Variants in ATP6V0A1 observed in about 807,000 individuals in gnomAD.
ATP6V0A1 encodes the protein ATPase H+ transporting V0 subunit a1, also known as V-type proton ATPase 116 kDa subunit a 1.
In ATP6V0A1, 43 loss-of-function variants were observed where a neutral mutation model predicts 105.4. That is an observed-to-expected ratio of 0.41 (90% CI 0.32 to 0.53). The LOEUF (loss-of-function observed/expected upper bound fraction) is 0.53, where lower values mean the gene tolerates loss of function less well. Among genes scored for constraint, ATP6V0A1 ranks in the 20% least tolerant of loss-of-function variants. The probability of loss-of-function intolerance (pLI) is 0.30; values close to 1 mark genes in which losing one functional copy is unlikely to be tolerated. For synonymous variants in ATP6V0A1, 362 were observed against 372.8 expected, an observed-to-expected ratio of 0.97 and a Z score of 0.33; for missense variants, 676 against 1,051.1, an observed-to-expected ratio of 0.64 and a Z score of 4.93.
Position 42,487,179 on chromosome 17 carries a change from C to T in ATP6V0A1, c.835C>T (p.Arg279Cys). The T allele has an allele frequency of 2.5e-6, 4 of 1,614,134 alleles. No homozygotes were observed. Among genetic ancestry groups the T allele is most frequent in the Non-Finnish European group, 2.5e-6 (3 of 1,180,038 alleles). ...QMVLNQTEDH[R>C]QRVLQAAAKN... ...GGTTCTGAATCAAACGGAGGATCAC[C>T]GCCAGAGGGTTCTGCAGGCAGCTGC... The change falls in exon 10 of 22, where the codon CGC (arginine) becomes TGC (cysteine). Residue 279 changes from arginine to cysteine, a missense_variant. Arg to Cys is a radical substitution (Grantham distance 180). Transcript: ENST00000343619.
chr17:42,514,111 T>C, intron 20 of ATP6V0A1, 133 bp downstream of exon 20: 2 of 1,284,874 alleles, frequency 1.6e-6, no homozygotes, highest in Non-Finnish European at 2.2e-6. Flanking sequence ...CCAAGGAGAA[T>C]GAGTACAGAC....
chr17:42,506,873 A>G (rs2092061056), intron 17 of ATP6V0A1, among the ~76,000 whole-genome samples: 1 of 152,182 alleles, frequency 6.6e-6, no homozygotes, highest in Non-Finnish European at 1.5e-5. Context: ...GAATTGTTCT[A>G]ACATTCCAGA....
intron 4 of ATP6V0A1, 107 bp from the exon 5 acceptor site, chr17:42,469,983 C>T: frequency 8.6e-7 from 1 of 1,164,174 alleles, no homozygotes; most frequent in Non-Finnish European, 1.2e-6. Flanking sequence ...AGTCCAAGTT[C>T]TCTTTGAACT....
rs199733869 is a variant in ATP6V0A1 at position 42,500,074 on chromosome 17, CA to C, written c.1680-613del. ...AACACGGCAAAAGACCCCATCTCTA[CA>C]AAAAAAAAAAAAAAAAAAAGTTATG... On this transcript the variant is annotated intron_variant, in intron 15 of 21. Transcript: ENST00000343619. 9.3e-3 allele frequency among the ~76,000 whole-genome samples: 569 copies of C among 61,072 alleles called. 5 individuals carry two copies. The highest frequency in any genetic ancestry group is 0.021 in the African/African-American group (396 of 18,716). 40.1% of individuals were successfully genotyped at this position (61,072 alleles called of 152,430 possible).
chr17:42,462,714 C>G (rs985998974), intron 2 of ATP6V0A1, among the ~76,000 whole-genome samples: 3 of 152,196 alleles, frequency 2.0e-5, no homozygotes, highest in African/African-American at 7.2e-5. Flanking sequence ...GCCACCATAC[C>G]TGGCCAACAG....
chr17:42,493,478 A>G (rs2090861591), intron 11 of ATP6V0A1, among the ~76,000 whole-genome samples: 1 of 152,170 alleles, frequency 6.6e-6, no homozygotes, highest in Non-Finnish European at 1.5e-5. Context: ...TTACACCTTC[A>G]TTTCCACTGT....
At chr17:42,505,950 A>C (rs1443078103) in intron 17 of ATP6V0A1, among the ~76,000 whole-genome samples, 1 of 151,342 alleles carries the variant, frequency 6.6e-6, no homozygotes, top group Admixed American at 6.6e-5. Flanking sequence ...TCTACGCCCA[A>C]CTAATTTTTG....
intron 5 of ATP6V0A1, among the ~76,000 whole-genome samples, chr17:42,471,731 C>CA (rs1039826573): frequency 2.6e-4 from 38 of 146,966 alleles, no homozygotes; most frequent in Non-Finnish European, 4.5e-4. Context: ...AAGACTGTCT[C>CA]AAAAAAAAAA....
intron 11 of ATP6V0A1, among the ~76,000 whole-genome samples, chr17:42,493,281 C>G (rs1009090854): frequency 1.3e-5 from 2 of 152,112 alleles, no homozygotes; most frequent in Non-Finnish European, 2.9e-5. Context: ...TGTGAGTATT[C>G]ATTTTCAGTT....
intron 11 of ATP6V0A1, among the ~76,000 whole-genome samples, chr17:42,490,967 C>A (rs983604661): frequency 6.6e-6 from 1 of 152,192 alleles, no homozygotes; most frequent in African/African-American, 2.4e-5. Flanking sequence ...TCAAGTGATT[C>A]TCCCGCCTGA....
chr17:42,508,649 T>C (rs2092173205), intron 19 of ATP6V0A1, 60 bp downstream of exon 19: 2 of 1,607,602 alleles, frequency 1.2e-6, no homozygotes, highest in Non-Finnish European at 8.5e-7. Flanking sequence ...CCCATCCTTG[T>C]GATCACTCTG....
intron 21 of ATP6V0A1, among the ~76,000 whole-genome samples, chr17:42,516,814 C>T (rs2092647368): frequency 2.0e-5 from 3 of 152,212 alleles, no homozygotes; most frequent in Admixed American, 6.5e-5. Flanking sequence ...CAGCAGGCTC[C>T]GGAATTGGGC....
At chr17:42,511,696 C>T (rs891408082) in intron 19 of ATP6V0A1, among the ~76,000 whole-genome samples, 23 of 151,332 alleles carry the variant, frequency 1.5e-4, no homozygotes, top group Admixed American at 3.9e-4. Context: ...GGGCCAGGCG[C>T]GGGGGCTCAC....
chr17:42,508,547 C>G (rs1471486673), intron 18 of ATP6V0A1, 25 bp from the exon 19 acceptor site: 1 of 1,613,962 alleles, frequency 6.2e-7, no homozygotes, highest in Non-Finnish European at 8.5e-7. Flanking sequence ...TGGCTCCCCA[C>G]TAAGTGTAAA....
chr17:42,520,289 T>G (rs1387636762), intron 21 of ATP6V0A1: 6 of 371,694 alleles, frequency 1.6e-5, no homozygotes, highest in Non-Finnish European at 3.2e-5. Context: ...AGGGTGAGTT[T>G]GCAGGAGGAA....
At chr17:42,520,593 T>G in intron 21 of ATP6V0A1, 2 of 457,158 alleles carry the variant, frequency 4.4e-6, no homozygotes, top group Middle Eastern at 3.2e-4. Flanking sequence ...GCCCTTTTGC[T>G]CCCCCAAGGA....
chr17:42,504,762 G>A (rs1457696087), intron 17 of ATP6V0A1, among the ~76,000 whole-genome samples: 1 of 152,164 alleles, frequency 6.6e-6, no homozygotes. Context: ...AGCAATAGGT[G>A]CACTTGGCTA....
At chr17:42,516,783 C>T (rs1011524034) in intron 21 of ATP6V0A1, among the ~76,000 whole-genome samples, 1 of 152,244 alleles carries the variant, frequency 6.6e-6, no homozygotes, top group African/African-American at 2.4e-5. Context: ...TCCCCCTGAA[C>T]TGAAGTGATG....
rs2090966522 is a variant in ATP6V0A1 at position 42,494,451 on chromosome 17, T to TCC, written c.1292_1293insCC (p.Ser432LeufsTer22). ...ATGGTACTGAGGGAGAGCCGGATCC[T>TCC]TTCCCAGAAGAATGAGAATGAGGTA... is the stretch of plus-strand genomic sequence containing the variant. On this transcript the variant is annotated frameshift_variant, in exon 12 of 22. Transcript: ENST00000343619. LOFTEE classifies it high-confidence loss of function. 6.2e-7 allele frequency: 1 copy of TCC among 1,612,956 alleles called. No homozygotes were observed. The highest frequency in any genetic ancestry group is 1.3e-5 in the African/African-American group (1 of 74,890).
Sources: gnomAD v4.1 joint callset for allele counts (sites outside exome capture counted in the v4.1 genomes callset) on GRCh38, gnomAD v4.1.1 for gene constraint, MANE v1.5 for transcripts, NCBI Gene and HGNC (gene_info 2026-07-23, HGNC 2026-07-21) for gene names.